Variants in UACA observed in about 807,000 individuals in gnomAD.
The protein encoded by UACA is uveal autoantigen with coiled-coil domains and ankyrin repeats.
Under a neutral mutation model 160.5 loss-of-function variants are expected in UACA, and 112 were observed. The observed-to-expected ratio is 0.70, with a 90% CI of 0.60 to 0.82. UACA has a LOEUF of 0.82. UACA is among the 40% of genes least tolerant of loss of function. The probability of loss-of-function intolerance (pLI) is 0.00; values close to 1 mark genes in which losing one functional copy is unlikely to be tolerated. For synonymous variants in UACA, 557 were observed against 568.4 expected (o/e 0.98, Z 0.29); for missense variants, 1,574 against 1,614.6 (o/e 0.97, Z 0.43).
intron 1 of UACA, among the ~76,000 whole-genome samples, chr15:70,746,984 G>T (rs141481104): frequency 6.6e-6 from 1 of 152,088 alleles, no homozygotes. Flanking sequence ...GGCCTGTCAG[G>T]GGGTGGCAGG....
chr15:70,674,847 C>T (rs1183084312), intron 13 of UACA, among the ~76,000 whole-genome samples: 3 of 152,254 alleles, frequency 2.0e-5, no homozygotes, highest in African/African-American at 7.2e-5. Context: ...ATCCACCCAC[C>T]TTGGCCTCCC....
the UACA span, among the ~76,000 whole-genome samples, chr15:70,771,573 G>T: frequency 5.3e-5 from 8 of 152,286 alleles, 1 homozygote; most frequent in South Asian, 1.5e-3. Flanking sequence ...TGAGGAATCA[G>T]CAGGGAACAA....
intron 1 of UACA, among the ~76,000 whole-genome samples, chr15:70,725,720 G>C (rs1005578745): frequency 2.0e-5 from 3 of 152,084 alleles, no homozygotes; most frequent in African/African-American, 7.2e-5. Context: ...CCAAGAGTGG[G>C]GATACAAATG....
intron 18 of UACA, 95 bp downstream of exon 18, chr15:70,660,056 T>C: frequency 9.9e-7 from 1 of 1,014,036 alleles, no homozygotes; most frequent in Non-Finnish European, 1.4e-6. Flanking sequence ...GTGCAGCTAC[T>C]TTAAACATCA....
chr15:70,778,713 G>A, the UACA span: 7 of 152,152 alleles, frequency 4.6e-5, no homozygotes, highest in Non-Finnish European at 8.8e-5. Flanking sequence ...GGACATCATT[G>A]CATGTCATTA....
At chr15:70,721,668 T>G (rs1209570780) in intron 1 of UACA, among the ~76,000 whole-genome samples, 2 of 151,996 alleles carry the variant, frequency 1.3e-5, no homozygotes, top group African/African-American at 4.8e-5. Context: ...TAATAAACTT[T>G]TATTAACCCA....
rs1004184191 is a variant in UACA at position 70,763,494 on chromosome 15, G to C, written c.-87C>G. The C allele has an allele frequency of 4.4e-5, 55 of 1,258,350 alleles. No homozygotes were observed. Among genetic ancestry groups the C allele is most frequent in the Non-Finnish European group, 5.1e-5 (51 of 994,786 alleles). 77.9% of individuals were successfully genotyped at this position (1,258,350 alleles called of 1,614,324 possible). On this transcript the variant is annotated 5_prime_UTR_variant, in exon 1 of 19. Coordinates refer to ENST00000322954, the MANE Select transcript of UACA (RefSeq NM_018003.4). The stretch of plus-strand genomic sequence containing the variant: ...AGTAGACGGCAGCGGCTGCAGCAGA[G>C]GCGGCGCGGGCTGTACCAGCCCCAC...
At chr15:70,672,374 T>C (rs890815805) in intron 13 of UACA, among the ~76,000 whole-genome samples, 3 of 152,240 alleles carry the variant, frequency 2.0e-5, no homozygotes, top group African/African-American at 7.2e-5. Context: ...TAACTCATTT[T>C]ACTTTACCAC....
intron 1 of UACA, among the ~76,000 whole-genome samples, chr15:70,737,229 T>C (rs942415907): frequency 2.0e-5 from 3 of 152,228 alleles, no homozygotes; most frequent in Non-Finnish European, 4.4e-5. Flanking sequence ...AACAGTACCC[T>C]ACTTGGGAAC....
intron 1 of UACA, among the ~76,000 whole-genome samples, chr15:70,725,331 C>A (rs1473655433): frequency 6.6e-6 from 1 of 152,152 alleles, no homozygotes; most frequent in Non-Finnish European, 1.5e-5. Flanking sequence ...AATATTGGTA[C>A]TATATGTGCC....
intron 13 of UACA, among the ~76,000 whole-genome samples, chr15:70,672,716 T>A (rs1897177968): frequency 6.6e-6 from 1 of 152,092 alleles, no homozygotes; most frequent in Non-Finnish European, 1.5e-5. Context: ...CCCAGCACTT[T>A]GGAAGGCTGA....
chr15:70,675,665 G>A (rs185768427), intron 13 of UACA, among the ~76,000 whole-genome samples: 18 of 152,302 alleles, frequency 1.2e-4, no homozygotes, highest in African/African-American at 4.3e-4. Flanking sequence ...CACTGTCTGT[G>A]AGATTCATAC....
chr15:70,766,648 A>G (rs1202067985), upstream of UACA, among the ~76,000 whole-genome samples: 2 of 152,226 alleles, frequency 1.3e-5, no homozygotes, highest in Non-Finnish European at 2.9e-5. Context: ...TGTAAGCTGT[A>G]TGCTAACACA....
intron 1 of UACA, among the ~76,000 whole-genome samples, chr15:70,709,397 G>C (rs909291751): frequency 1.2e-4 from 19 of 152,084 alleles, no homozygotes; most frequent in African/African-American, 4.6e-4. Flanking sequence ...GATCTAACTG[G>C]ATAACGTTAA....
chr15:70,677,143 A>C lies in UACA; in HGVS notation c.1000-3T>G, dbSNP rs1655232188. ...AGATCATCAGCAACCATAACTTCCT[A>C]AATTTAAAAAGAACACAAAATATTT... On this transcript the variant is annotated splice_polypyrimidine_tract_variant and splice_region_variant and intron_variant, in intron 11 of 18. Transcript: ENST00000322954. The C allele has an allele frequency of 1.3e-6, 2 of 1,599,100 alleles. No individual in the cohort carries two copies. The highest frequency in any genetic ancestry group is 1.7e-6 in the Non-Finnish European group (2 of 1,171,342).
At chr15:70,719,684 T>C (rs1220242089) in intron 1 of UACA, among the ~76,000 whole-genome samples, 1 of 152,162 alleles carries the variant, frequency 6.6e-6, no homozygotes, top group African/African-American at 2.4e-5. Flanking sequence ...TCAACCCTTA[T>C]AACACTCCCT....
chr15:70,664,531 C>T lies in UACA; in HGVS notation c.4113+131G>A, dbSNP rs1244458178. 8 of 1,149,806 alleles carry T rather than the reference C, an allele frequency of 7.0e-6. No homozygotes were observed. The East Asian group carries it at 1.9e-4, about 27-fold the overall frequency. 71.2% of individuals were successfully genotyped at this position (1,149,806 alleles called of 1,614,324 possible). A position where few individuals can be genotyped will look rare whatever the true frequency, so the allele number is the denominator to read the frequency against. ...CACCACCAGTATAGGTAACTTTTCGCATATAAAAATAATTATATTCTTGGA... is the reference window on the plus strand; with the variant it reads ...CACCACCAGTATAGGTAACTTTTCGTATATAAAAATAATTATATTCTTGGA... On this transcript the variant is annotated intron_variant, in intron 17 of 18. Transcript: ENST00000322954.
rs757490219 is a variant in UACA at position 70,668,665 on chromosome 15, A to C, written c.2019T>G (p.Asn673Lys). The C allele has an allele frequency of 2.8e-5, 45 of 1,613,932 alleles. No individual in the cohort carries two copies. The highest frequency in any genetic ancestry group is 8.3e-5 in the Admixed American group (5 of 59,990). ...CGTGCTGAGCAAGCTTGGCCTTAAC[A>C]TTCTCAAGTTCTCTCTTTAACTGTC... ...EIRQLKRELE[N>K]VKAKLAQHVK... is the part of the protein sequence containing the mutation. Residue 673 changes from asparagine to lysine, a missense_variant, in exon 16 of 19, where the codon AAT (asparagine) becomes AAG (lysine). Coordinates refer to ENST00000322954, the MANE Select transcript of UACA (RefSeq NM_018003.4).
intron 1 of UACA, among the ~76,000 whole-genome samples, chr15:70,735,559 C>T (rs1205793365): frequency 6.6e-6 from 1 of 152,128 alleles, no homozygotes; most frequent in East Asian, 1.9e-4. Flanking sequence ...AATAGTCCTC[C>T]AGCTTGCTTC....
Sources: allele counts gnomAD v4.1 joint callset (sites outside exome capture counted in the v4.1 genomes callset), GRCh38; gene constraint gnomAD v4.1.1; transcripts MANE v1.5; gene names NCBI Gene and HGNC (gene_info 2026-07-23, HGNC 2026-07-21).